ANKRD30B: variants seen among roughly 807,000 people sequenced by gnomAD.
ANKRD30B encodes ankyrin repeat domain-containing protein 30B.
Under a neutral mutation model 202.2 loss-of-function variants are expected in ANKRD30B, and 144 were observed. The ratio of observed to expected loss-of-function variants is 0.71; its 90% CI spans 0.62 to 0.82. ANKRD30B has a LOEUF of 0.82. Ranked by LOEUF, ANKRD30B falls within the 40% of genes least tolerant of loss-of-function variation. ANKRD30B has a pLI of 0.00. For missense variants in ANKRD30B, 1,487 were observed against 1,669.1 expected, an observed-to-expected ratio of 0.89 and a Z score of 1.90; for synonymous variants, 508 against 561.3, an observed-to-expected ratio of 0.91 and a Z score of 1.34.
intron 41 of ANKRD30B, among the ~76,000 whole-genome samples, chr18:14,851,307 C>T (rs1342760331): frequency 3.5e-5 from 5 of 141,612 alleles, no homozygotes; most frequent in East Asian, 2.3e-4. Flanking sequence ...TTCATGAATT[C>T]GTTGTCTCCA....
intron 24 of ANKRD30B, 97 bp from the exon 25 acceptor site, chr18:14,808,454 A>G: frequency 7.9e-7 from 1 of 1,269,156 alleles, no homozygotes; most frequent in Non-Finnish European, 1.1e-6. Flanking sequence ...TTTCAATCCA[A>G]GCATGAGGAC....
At chr18:14,797,279 C>T (rs1315438777) in intron 18 of ANKRD30B, among the ~76,000 whole-genome samples, 5 of 152,106 alleles carry the variant, frequency 3.3e-5, no homozygotes, top group Admixed American at 1.3e-4. Flanking sequence ...GAACATATGC[C>T]TTTCTGGGAC....
chr18:14,850,864 A>T (rs1971853509), intron 41 of ANKRD30B, among the ~76,000 whole-genome samples: 1 of 151,874 alleles, frequency 6.6e-6, no homozygotes, highest in African/African-American at 2.4e-5. Flanking sequence ...GATTTGGTGG[A>T]GAAGTCCTGG....
chr18:14,821,575 C>T (rs1169825829), intron 30 of ANKRD30B, among the ~76,000 whole-genome samples: 13 of 152,120 alleles, frequency 8.5e-5, no homozygotes, highest in Non-Finnish European at 1.3e-4. Context: ...CTCACAGCTC[C>T]GGCTCCCAAG....
downstream of ANKRD30B, among the ~76,000 whole-genome samples, chr18:14,855,656 C>T (rs1251466120): frequency 6.7e-6 from 1 of 149,884 alleles, no homozygotes. Flanking sequence ...GCACTCCTCA[C>T]ATCCCAGACG....
At chr18:14,936,039 G>T in the ANKRD30B span, among the ~76,000 whole-genome samples, 1 of 152,238 alleles carries the variant, frequency 6.6e-6, no homozygotes, top group Non-Finnish European at 1.5e-5. Context: ...TAAAGCAGCT[G>T]GCAAAGCCTG....
At chr18:14,860,008 G>C in the ANKRD30B span, among the ~76,000 whole-genome samples, 3 of 118,990 alleles carry the variant, frequency 2.5e-5, no homozygotes, top group South Asian at 3.1e-4. Flanking sequence ...GACAGGGTGG[G>C]AGCTGGGCAG....
intron 30 of ANKRD30B, chr18:14,816,788 AATG>A (rs1371622708): frequency 2.6e-5 from 4 of 152,236 alleles, no homozygotes; most frequent in Admixed American, 2.6e-4. Flanking sequence ...AGCCATAAAA[AATG>A]ATAAGTTCAT....
the ANKRD30B span, among the ~76,000 whole-genome samples, chr18:14,917,467 T>G: frequency 6.6e-6 from 1 of 152,226 alleles, no homozygotes; most frequent in African/African-American, 2.4e-5. Flanking sequence ...CACCCTTCCC[T>G]GCCTGCAGAC....
chr18:14,850,580 A>T (rs562583943), intron 41 of ANKRD30B, among the ~76,000 whole-genome samples, 198 bp downstream of exon 41: 2 of 151,828 alleles, frequency 1.3e-5, no homozygotes, highest in Admixed American at 1.3e-4. Context: ...TTCAGTACAA[A>T]GAGCTTTTGA....
intron 8 of ANKRD30B, among the ~76,000 whole-genome samples, chr18:14,770,640 T>C (rs376688907): frequency 2.8e-4 from 42 of 152,212 alleles, no homozygotes; most frequent in African/African-American, 1.0e-3. Context: ...GATCAGAATG[T>C]TGGATTTTAT....
At chr18:14,892,475 A>G in the ANKRD30B span, among the ~76,000 whole-genome samples, 2 of 152,238 alleles carry the variant, frequency 1.3e-5, no homozygotes, top group East Asian at 3.9e-4. Context: ...GTGGTAGCTC[A>G]CACCTGTAAT....
In ANKRD30B at chr18:14,848,785, A is replaced by G; in HGVS notation, c.3251A>G (p.Asp1084Gly). Residue 1084 changes from aspartate (D) to glycine (G), a missense_variant, in exon 40 of 44, where the codon GAT becomes GGT. By Grantham distance (94) the Asp-to-Gly change is moderately conservative. Coordinates refer to ENST00000690538, the MANE Select transcript of ANKRD30B (RefSeq NM_001367607.2). ...SCERGRELKK[D>G]NCEQITAKME... is the part of the protein sequence containing the mutation. The stretch of plus-strand genomic sequence containing the variant: ...GAAAGAGGAAGGGAACTTAAAAAAG[A>G]TAACTGTGAACAAATTACAGCAAAA... 1 of 1,573,426 alleles carries G rather than the reference A, an allele frequency of 6.4e-7. No homozygotes were observed.
chr18:14,900,355 C>CATT, the ANKRD30B span, among the ~76,000 whole-genome samples: 2 of 152,118 alleles, frequency 1.3e-5, no homozygotes, highest in Non-Finnish European at 2.9e-5. Flanking sequence ...TTTCCATCTA[C>CATT]TATTTATCAT....
intron 1 of ANKRD30B, among the ~76,000 whole-genome samples, chr18:14,750,426 T>G (rs1345368496): frequency 6.6e-6 from 1 of 152,116 alleles, no homozygotes; most frequent in Non-Finnish European, 1.5e-5. Context: ...AAAAGAGGAA[T>G]CAAATACTGT....
chr18:14,760,682 A>T, intron 6 of ANKRD30B, 64 bp downstream of exon 6: 1 of 1,204,554 alleles, frequency 8.3e-7, no homozygotes, highest in Admixed American at 2.7e-5. Flanking sequence ...AGTGCTGATC[A>T]CAAAAAAGCA....
At chr18:14,892,807 A>C in the ANKRD30B span, among the ~76,000 whole-genome samples, 1 of 150,746 alleles carries the variant, frequency 6.6e-6, no homozygotes, top group African/African-American at 2.4e-5. Context: ...AATTCTAGCT[A>C]CTTGAGAGGC....
intron 32 of ANKRD30B, among the ~76,000 whole-genome samples, chr18:14,824,367 T>G (rs1376524760): frequency 6.6e-6 from 1 of 152,206 alleles, no homozygotes; most frequent in Non-Finnish European, 1.5e-5. Context: ...ATATTTGTGT[T>G]TTTGGAGATG....
intron 7 of ANKRD30B, among the ~76,000 whole-genome samples, chr18:14,765,483 A>G (rs1429811591): frequency 6.6e-6 from 1 of 152,144 alleles, no homozygotes; most frequent in Non-Finnish European, 1.5e-5. Flanking sequence ...AAGAAAAAGA[A>G]AAAGAAAAAG....
Sources: allele counts gnomAD v4.1 joint callset (sites outside exome capture counted in the v4.1 genomes callset), GRCh38; gene constraint gnomAD v4.1.1; transcripts MANE v1.5; gene names NCBI Gene and HGNC (gene_info 2026-07-23, HGNC 2026-07-21).